The following MAPRE2 variants were observed in gnomAD, a reference collection of about 807,000 sequenced individuals.
The protein encoded by MAPRE2 is microtubule associated protein RP/EB family member 2.
MAPRE2 carries 13 observed loss-of-function variants against 43.2 expected under a neutral mutation model. The ratio of observed to expected loss-of-function variants is 0.30; its 90% CI spans 0.20 to 0.48. MAPRE2 has a LOEUF of 0.48. Ranked by LOEUF, MAPRE2 falls within the 20% of genes least tolerant of loss-of-function variation. The pLI is 0.99. For missense variants in MAPRE2, 161 were observed against 400.2 expected (o/e 0.40, Z 5.10); for synonymous variants, 135 against 148.8 (o/e 0.91, Z 0.68).
In MAPRE2 at chr18:34,982,498, C is replaced by T. The variant is rs1426938308; in HGVS notation, c.-70+5419C>T. Among the ~76,000 whole-genome samples the T allele has an allele frequency of 7.2e-5, 11 of 152,248 alleles. No individual in the cohort carries two copies. The South Asian group carries it at 1.7e-3, about 23-fold the overall frequency. On this transcript the variant is annotated intron_variant, in intron 1 of 7. Transcript: ENST00000413393. ...TAAATCCAACTCTACATAATTCACCCGCAACCATCTTAAACATTGAAAGAG... is the reference window on the plus strand; with the variant it reads ...TAAATCCAACTCTACATAATTCACCTGCAACCATCTTAAACATTGAAAGAG...
chr18:35,059,705 G>A (rs568214102), intron 1 of MAPRE2, among the ~76,000 whole-genome samples: 10 of 152,230 alleles, frequency 6.6e-5, no homozygotes, highest in East Asian at 1.9e-4. Flanking sequence ...GGGCATGGAG[G>A]GTTCACTGGG....
chr18:34,982,422 G>T (rs2097016900), intron 1 of MAPRE2, among the ~76,000 whole-genome samples: 1 of 152,078 alleles, frequency 6.6e-6, no homozygotes, highest in East Asian at 1.9e-4. Flanking sequence ...CTCCCTCAAA[G>T]CACATTCCCA....
intron 1 of MAPRE2, among the ~76,000 whole-genome samples, chr18:34,985,428 T>C (rs2097019831): frequency 1.9e-5 from 1 of 52,748 alleles, no homozygotes; most frequent in African/African-American, 7.8e-5. Context: ...ATATGTAAAC[T>C]ATATTATATA....
At chr18:35,034,499 A>G (rs1194472294) in intron 2 of MAPRE2, among the ~76,000 whole-genome samples, 1 of 152,114 alleles carries the variant, frequency 6.6e-6, no homozygotes, top group African/African-American at 2.4e-5. Flanking sequence ...ACAAAAGCCA[A>G]AATTGACAAA....
Position 35,143,099 on chromosome 18 carries a change from A to G in MAPRE2, c.*2730A>G, listed in dbSNP as rs1326129393. 6.6e-6 allele frequency: 1 copy of G among 151,738 alleles called. No homozygotes were observed. The highest frequency in any genetic ancestry group is 6.6e-5 in the Admixed American group (1 of 15,230). 9.4% of individuals were successfully genotyped at this position (151,738 alleles called of 1,614,324 possible). A position where few individuals can be genotyped will look rare whatever the true frequency, so the allele number is the denominator to read the frequency against. On this transcript the variant is annotated 3_prime_UTR_variant, in exon 7 of 7. Coordinates refer to ENST00000300249, the MANE Select transcript of MAPRE2 (RefSeq NM_014268.4). ...AAAAAAAAAAAAAAAAGAAAGAAAA[A>G]CACCTGTTGACCTGAGAGAAGTAAA...
intron 2 of MAPRE2, among the ~76,000 whole-genome samples, chr18:35,078,263 C>T (rs889157231): frequency 2.6e-5 from 4 of 152,234 alleles, no homozygotes; most frequent in South Asian, 4.1e-4. Context: ...TTCTTTGGTT[C>T]CTTGTCCTTT....
At chr18:35,005,560 T>G in intron 2 of MAPRE2, 1 of 1,520,068 alleles carries the variant, frequency 6.6e-7, no homozygotes, top group Non-Finnish European at 8.9e-7. Flanking sequence ...CAAGGTAAGG[T>G]TTATATAAAT....
intron 2 of MAPRE2, among the ~76,000 whole-genome samples, chr18:35,027,615 A>G (rs2097045932): frequency 6.6e-6 from 1 of 152,220 alleles, no homozygotes; most frequent in South Asian, 2.1e-4. Context: ...ATGACAAGAG[A>G]TAATAATAAA....
chr18:35,079,577 C>T (rs1907535312), intron 2 of MAPRE2, among the ~76,000 whole-genome samples: 1 of 152,142 alleles, frequency 6.6e-6, no homozygotes, highest in Non-Finnish European at 1.5e-5. Context: ...GAACTTTTTC[C>T]ATATAGCCAT....
At chr18:35,056,977 C>T (rs146978156) in intron 1 of MAPRE2, among the ~76,000 whole-genome samples, 4 of 152,254 alleles carry the variant, frequency 2.6e-5, no homozygotes, top group African/African-American at 9.6e-5. Context: ...CTTCCCAAAC[C>T]CATGGTCTTA....
chr18:35,057,119 A>G (rs1906270395), intron 1 of MAPRE2, among the ~76,000 whole-genome samples: 1 of 152,138 alleles, frequency 6.6e-6, no homozygotes, highest in African/African-American at 2.4e-5. Flanking sequence ...GGTTCAAGGT[A>G]TTCTCCTGCC....
chr18:35,069,572 T>A (rs978220337), intron 1 of MAPRE2, among the ~76,000 whole-genome samples: 1 of 152,156 alleles, frequency 6.6e-6, no homozygotes, highest in African/African-American at 2.4e-5. Flanking sequence ...GGGGTAAACC[T>A]AACTGGTTTG....
intron 2 of MAPRE2, among the ~76,000 whole-genome samples, chr18:35,030,294 C>T (rs1010297262): frequency 5.3e-5 from 8 of 152,280 alleles, no homozygotes; most frequent in East Asian, 1.9e-4. Flanking sequence ...GCTTCCTACA[C>T]GGAAGTGCCG....
At chr18:35,075,412 C>T (rs745554442) in intron 2 of MAPRE2, among the ~76,000 whole-genome samples, 2 of 152,082 alleles carry the variant, frequency 1.3e-5, no homozygotes, top group African/African-American at 4.8e-5. Flanking sequence ...GACAGGTTAC[C>T]GATGAAATCT....
At chr18:35,081,135 A>T (rs910721603) in intron 2 of MAPRE2, among the ~76,000 whole-genome samples, 1 of 152,240 alleles carries the variant, frequency 6.6e-6, no homozygotes, top group African/African-American at 2.4e-5. Flanking sequence ...ATGTACATCA[A>T]CTTTAAAATT....
intron 1 of MAPRE2, among the ~76,000 whole-genome samples, chr18:35,063,538 G>C (rs1906667175): frequency 4.6e-5 from 7 of 151,710 alleles, no homozygotes; most frequent in Admixed American, 4.6e-4. Context: ...CCCTTTAAAG[G>C]CTCAGCCTCC....
chr18:35,111,177 T>A (rs1024689878), intron 4 of MAPRE2, among the ~76,000 whole-genome samples: 2 of 152,250 alleles, frequency 1.3e-5, no homozygotes, highest in East Asian at 3.9e-4. Flanking sequence ...TTTCTGTTGA[T>A]GTAAATTCAA....
At chr18:35,006,546 T>C (rs538019694) in intron 2 of MAPRE2, among the ~76,000 whole-genome samples, 1 of 152,356 alleles carries the variant, frequency 6.6e-6, no homozygotes, top group African/African-American at 2.4e-5. Flanking sequence ...TTTTAAATAT[T>C]TGAGAAGAGA....
chr18:35,057,871 A>G (rs1348490207), intron 1 of MAPRE2, among the ~76,000 whole-genome samples: 1 of 152,162 alleles, frequency 6.6e-6, no homozygotes. Context: ...CCTAGTTTTG[A>G]TAGTATTTCC....
Sources: gnomAD v4.1 joint callset for allele counts (sites outside exome capture counted in the v4.1 genomes callset) on GRCh38, gnomAD v4.1.1 for gene constraint, MANE v1.5 for transcripts, NCBI Gene and HGNC (gene_info 2026-07-23, HGNC 2026-07-21) for gene names.